The following RUNDC3B variants were observed in gnomAD, a reference collection of about 807,000 sequenced individuals.
RUNDC3B encodes RUN domain containing 3B.
RUNDC3B carries 33 observed loss-of-function variants against 58.4 expected under a neutral mutation model. That is an observed-to-expected ratio of 0.56 (90% CI 0.43 to 0.75). The LOEUF is 0.75. Ranked by LOEUF, RUNDC3B falls within the 30% of genes least tolerant of loss-of-function variation. The probability of loss-of-function intolerance (pLI) is 0.00; values close to 1 mark genes in which losing one functional copy is unlikely to be tolerated. For missense variants in RUNDC3B, 501 were observed against 535.7 expected, an observed-to-expected ratio of 0.94 and a Z score of 0.64; for synonymous variants, 193 against 195.2, an observed-to-expected ratio of 0.99 and a Z score of 0.10.
chr7:87,653,782 A>G (rs906538098), intron 2 of RUNDC3B, among the ~76,000 whole-genome samples: 1 of 151,946 alleles, frequency 6.6e-6, no homozygotes, highest in African/African-American at 2.4e-5. Context: ...ATCTTCTGGA[A>G]CCACCACAGT....
rs575803562 is a variant in RUNDC3B at position 87,759,358 on chromosome 7, G to A, written c.630-11223G>A. ...GGTAGCAAGGGAAGGGAGAAAAGTC[G>A]GGATGATTAATGGGTATAAAAACAT... On this transcript the variant is annotated intron_variant, in intron 6 of 10. Coordinates refer to ENST00000394654, the MANE Select transcript of RUNDC3B (RefSeq NM_001134405.2). Among the ~76,000 whole-genome samples the A allele has an allele frequency of 1.4e-4, 21 of 152,144 alleles. No homozygotes were observed. The South Asian group carries it at 3.3e-3, about 24-fold the overall frequency.
rs562224502 is a variant in RUNDC3B, at chr7:87,660,697, G to A, written c.238+9760G>A. Among the ~76,000 whole-genome samples the A allele has an allele frequency of 1.6e-4, 25 of 151,726 alleles. 1 individual carries two copies. Among genetic ancestry groups the A allele is most frequent in the Non-Finnish European group, 3.2e-4 (22 of 67,832 alleles). On this transcript the variant is annotated intron_variant, in intron 2 of 10. Transcript: ENST00000394654. ...CTATTATGTTTATGTTGGACTCTTAGCAGATTAATTTTCAAATTTTTCTCC... is the reference window on the plus strand; with the variant it reads ...CTATTATGTTTATGTTGGACTCTTAACAGATTAATTTTCAAATTTTTCTCC...
intron 3 of RUNDC3B, 37 bp from the exon 4 acceptor site, chr7:87,710,533 A>AT (rs765183225): frequency 1.6e-5 from 21 of 1,307,236 alleles, no homozygotes; most frequent in Admixed American, 4.4e-5. Flanking sequence ...TATTTTTTTA[A>AT]TTTTTTTTAT....
intron 6 of RUNDC3B, among the ~76,000 whole-genome samples, chr7:87,743,500 T>C (rs1243787943): frequency 6.6e-6 from 1 of 152,302 alleles, no homozygotes; most frequent in Non-Finnish European, 1.5e-5. Context: ...TTTTTTTTAT[T>C]ATGGCCATTC....
chr7:87,788,062 A>C (rs966299497), intron 8 of RUNDC3B, among the ~76,000 whole-genome samples: 4 of 152,176 alleles, frequency 2.6e-5, no homozygotes, highest in Non-Finnish European at 5.9e-5. Flanking sequence ...TTTGTCAGTC[A>C]TATGTTTGAT....
At chr7:87,704,332 A>G (rs1379174705) in intron 3 of RUNDC3B, among the ~76,000 whole-genome samples, 3 of 152,222 alleles carry the variant, frequency 2.0e-5, no homozygotes, top group Admixed American at 6.5e-5. Context: ...AATCAAATCT[A>G]TAAAAAGTAT....
At chr7:87,671,439 C>A (rs1825814949) in intron 2 of RUNDC3B, among the ~76,000 whole-genome samples, 1 of 152,108 alleles carries the variant, frequency 6.6e-6, no homozygotes, top group African/African-American at 2.4e-5. Flanking sequence ...GTGAGGAGAT[C>A]TGAGAATGGG....
At chr7:87,796,235 AT>A (rs1835813100) in intron 8 of RUNDC3B, among the ~76,000 whole-genome samples, 2 of 152,184 alleles carry the variant, frequency 1.3e-5, no homozygotes, top group Non-Finnish European at 2.9e-5. Context: ...GTTATCACAT[AT>A]TTTTGGTATA....
chr7:87,671,236 T>G (rs888684997), intron 2 of RUNDC3B, among the ~76,000 whole-genome samples: 1 of 151,972 alleles, frequency 6.6e-6, no homozygotes, highest in African/African-American at 2.4e-5. Context: ...TTACAACTGG[T>G]TGGAGGTGTG....
At chr7:87,809,079 A>T (rs1019756351) in intron 9 of RUNDC3B, among the ~76,000 whole-genome samples, 2 of 152,164 alleles carry the variant, frequency 1.3e-5, no homozygotes, top group Admixed American at 6.6e-5. Context: ...AAAGTGGAAG[A>T]TTTATTTTTA....
chr7:87,746,603 G>A (rs1231563564), intron 6 of RUNDC3B, among the ~76,000 whole-genome samples: 1 of 152,154 alleles, frequency 6.6e-6, no homozygotes. Context: ...TTGCTTTAAA[G>A]CTTGTTTTGT....
intron 6 of RUNDC3B, among the ~76,000 whole-genome samples, chr7:87,762,104 GTTT>G (rs1833721244): frequency 6.6e-6 from 1 of 151,546 alleles, no homozygotes; most frequent in African/African-American, 2.4e-5. Flanking sequence ...GGTTAAGAAT[GTTT>G]TCTTCTATTC....
At chr7:87,690,964 T>C (rs1161285727) in intron 2 of RUNDC3B, among the ~76,000 whole-genome samples, 1 of 152,058 alleles carries the variant, frequency 6.6e-6, no homozygotes, top group East Asian at 1.9e-4. Flanking sequence ...AGAATAAATA[T>C]AGCAAAAGCT....
intron 8 of RUNDC3B, among the ~76,000 whole-genome samples, chr7:87,785,604 G>A (rs572328725): frequency 7.9e-5 from 12 of 152,286 alleles, no homozygotes; most frequent in South Asian, 4.1e-4. Flanking sequence ...CAGGAATGGC[G>A]AGGCAGGTGG....
At chr7:87,734,556 C>T (rs1414736357) in intron 4 of RUNDC3B, among the ~76,000 whole-genome samples, 1 of 152,126 alleles carries the variant, frequency 6.6e-6, no homozygotes, top group Non-Finnish European at 1.5e-5. Flanking sequence ...AAAAAAGATT[C>T]TCCATTGAAC....
At chr7:87,646,596 A>G (rs918528705) in intron 1 of RUNDC3B, among the ~76,000 whole-genome samples, 5 of 152,206 alleles carry the variant, frequency 3.3e-5, no homozygotes, top group Admixed American at 6.5e-5. Context: ...GATTAGAGAA[A>G]TACATTCAGA....
At chr7:87,647,734 C>T (rs568906459) in intron 1 of RUNDC3B, among the ~76,000 whole-genome samples, 1 of 152,252 alleles carries the variant, frequency 6.6e-6, no homozygotes, top group South Asian at 2.1e-4. Flanking sequence ...CTTTAGTCCA[C>T]AAACCATTAC....
At chr7:87,817,293 G>A (rs1837100903) in intron 10 of RUNDC3B, among the ~76,000 whole-genome samples, 2 of 152,094 alleles carry the variant, frequency 1.3e-5, no homozygotes, top group African/African-American at 4.8e-5. Context: ...CTGCCACTTG[G>A]AGCAAGCTGC....
chr7:87,659,500 A>G (rs1824474712), intron 2 of RUNDC3B, among the ~76,000 whole-genome samples: 1 of 152,072 alleles, frequency 6.6e-6, no homozygotes, highest in Non-Finnish European at 1.5e-5. Context: ...CTGTGTGTGT[A>G]GCATAGTTGT....
Sources: gnomAD v4.1 joint callset for allele counts (sites outside exome capture counted in the v4.1 genomes callset) on GRCh38, gnomAD v4.1.1 for gene constraint, MANE v1.5 for transcripts, NCBI Gene and HGNC (gene_info 2026-07-23, HGNC 2026-07-21) for gene names.